GPHN: variants seen among roughly 807,000 people sequenced by gnomAD.
The protein encoded by GPHN is gephyrin.
A neutral mutation model predicts 95.5 loss-of-function variants in GPHN; 17 were observed. That is an observed-to-expected ratio of 0.18 (90% CI 0.12 to 0.27). GPHN has a LOEUF of 0.27. Ranked by LOEUF, GPHN falls within the 10% of genes least tolerant of loss-of-function variation. The probability of loss-of-function intolerance (pLI) is 1.00; values close to 1 mark genes in which losing one functional copy is unlikely to be tolerated. For missense variants in GPHN, 660 were observed against 978.1 expected (o/e 0.67, Z 4.34); for synonymous variants, 320 against 322.5 (o/e 0.99, Z 0.08).
At chr14:66,691,249 A>G (rs1454379194) in intron 2 of GPHN, among the ~76,000 whole-genome samples, 2 of 151,974 alleles carry the variant, frequency 1.3e-5, no homozygotes, top group Non-Finnish European at 2.9e-5. Context: ...CAGTGGCGCA[A>G]TCTCGGCTCA....
At chr14:66,868,731 GC>G (rs1466631060) in intron 4 of GPHN, among the ~76,000 whole-genome samples, 3 of 151,980 alleles carry the variant, frequency 2.0e-5, no homozygotes, top group African/African-American at 7.2e-5. Context: ...TTGTCTGTTA[GC>G]AATATCTTTT....
intron 4 of GPHN, among the ~76,000 whole-genome samples, chr14:66,848,768 G>A (rs920297325): frequency 2.0e-5 from 3 of 151,716 alleles, no homozygotes; most frequent in Admixed American, 1.3e-4. Context: ...AATAATACAT[G>A]CTTTTTGCAA....
rs140636187 is a variant in GPHN, at chr14:67,016,760, T to C, written c.964-6873T>C. 6.3e-3 allele frequency among the ~76,000 whole-genome samples: 961 copies of C among 152,246 alleles called. 30 individuals carry two copies. Among genetic ancestry groups the C allele is most frequent in the Admixed American group, 0.048 (741 of 15,292 alleles). ...CCTTTACTCAGACTTTTTCTGTAGC[T>C]TTAGTCTAGAAGTTGGCAATTCATC... On this transcript the variant is annotated intron_variant, in intron 9 of 22. Coordinates refer to ENST00000478722, the MANE Select transcript of GPHN (RefSeq NM_020806.5).
chr14:66,937,629 C>T (rs958581762), intron 8 of GPHN, among the ~76,000 whole-genome samples: 4 of 151,914 alleles, frequency 2.6e-5, no homozygotes, highest in Admixed American at 6.6e-5. Flanking sequence ...CCGGCTGCTT[C>T]GGCCTCCCAA....
chr14:66,715,298 A>G (rs1358604926), intron 2 of GPHN, among the ~76,000 whole-genome samples: 1 of 151,700 alleles, frequency 6.6e-6, no homozygotes, highest in Non-Finnish European at 1.5e-5. Flanking sequence ...ATGATCTTTT[A>G]TATTTCTGTG....
At chr14:66,789,518 G>A (rs1162064301) in intron 3 of GPHN, among the ~76,000 whole-genome samples, 2 of 152,162 alleles carry the variant, frequency 1.3e-5, no homozygotes, top group African/African-American at 4.8e-5. Context: ...ACTGGCTTTA[G>A]GGTTGATCCC....
the GPHN span, chr14:67,222,019 CATT>C: frequency 1.8e-6 from 1 of 559,626 alleles, no homozygotes; most frequent in Admixed American, 3.6e-5. Context: ...AAGTGGAAAA[CATT>C]ATGGTACTTT....
chr14:67,095,967 A>AAAAAAAAAAAAAAAAAAAAAAAAG (rs1491234047), intron 12 of GPHN, among the ~76,000 whole-genome samples: 1 of 56,390 alleles, frequency 1.8e-5, no homozygotes, highest in Non-Finnish European at 2.6e-5. Flanking sequence ...AGAAAAAGGC[A>AAAAAAAAAAAAAAAAAAAAAAAAG]AAAAAAAAAA....
chr14:66,856,191 TAAAAA>T (rs1469166973), intron 4 of GPHN, among the ~76,000 whole-genome samples: 12 of 152,086 alleles, frequency 7.9e-5, no homozygotes, highest in Non-Finnish European at 1.0e-4. Flanking sequence ...AACTTTGGTT[TAAAAA>T]AATAACTTGC....
intron 1 of GPHN, among the ~76,000 whole-genome samples, chr14:66,606,850 C>T (rs2062559157): frequency 6.6e-6 from 1 of 152,052 alleles, no homozygotes. Flanking sequence ...TTGGCAGCAT[C>T]TTTAATGTTT....
chr14:66,962,330 A>ATTT (rs779918069), intron 8 of GPHN, among the ~76,000 whole-genome samples: 1 of 146,462 alleles, frequency 6.8e-6, no homozygotes, highest in African/African-American at 2.5e-5. Flanking sequence ...CAGCATAGGC[A>ATTT]GTTTTTGTTT....
the GPHN span, chr14:67,573,154 TC>T: frequency 4.6e-6 from 3 of 650,080 alleles, no homozygotes; most frequent in Non-Finnish European, 8.3e-6. The surrounding 1 kb of genome is among the most constrained non-coding windows in gnomAD (Gnocchi z 4.8). Flanking sequence ...GAGTAGGTAC[TC>T]AATAATTTTG....
chr14:67,452,064 G>A, the GPHN span, among the ~76,000 whole-genome samples: 1 of 152,212 alleles, frequency 6.6e-6, no homozygotes, highest in Admixed American at 6.5e-5. Flanking sequence ...GGGCATGGTG[G>A]CTCCTGCCTG....
intron 3 of GPHN, among the ~76,000 whole-genome samples, chr14:66,822,442 T>C (rs2061235034): frequency 6.6e-6 from 1 of 152,192 alleles, no homozygotes; most frequent in African/African-American, 2.4e-5. Flanking sequence ...GACCCAAGTA[T>C]TTTTTAAAGC....
the GPHN span, among the ~76,000 whole-genome samples, chr14:67,480,576 G>T: frequency 6.6e-6 from 1 of 152,134 alleles, no homozygotes; most frequent in Non-Finnish European, 1.5e-5. Context: ...CACTGAGGCG[G>T]TCTGAGGGCC....
At chr14:67,292,971 C>G in the GPHN span, among the ~76,000 whole-genome samples, 3 of 151,958 alleles carry the variant, frequency 2.0e-5, no homozygotes, top group Non-Finnish European at 2.9e-5. Flanking sequence ...TGGATAGTAA[C>G]AAATATTTGA....
the GPHN span, chr14:67,586,539 T>C: frequency 1.5e-6 from 1 of 689,012 alleles, no homozygotes; most frequent in South Asian, 1.4e-5. Flanking sequence ...CTCTTCCTTG[T>C]TGTGGGGAAG....
intron 13 of GPHN, among the ~76,000 whole-genome samples, chr14:67,101,491 A>G (rs2077693928): frequency 6.6e-6 from 1 of 151,616 alleles, no homozygotes; most frequent in African/African-American, 2.4e-5. Flanking sequence ...TATTTAAAAT[A>G]AATATAAATT....
chr14:67,502,746 C>T, the GPHN span, among the ~76,000 whole-genome samples: 4 of 151,928 alleles, frequency 2.6e-5, no homozygotes, highest in East Asian at 1.9e-4. Flanking sequence ...GCCACCGCGC[C>T]GGGCCCCAGA....
Sources: gnomAD v4.1 joint callset for allele counts (sites outside exome capture counted in the v4.1 genomes callset) on GRCh38, gnomAD v4.1.1 for gene constraint, Gnocchi (gnomAD v3.1) non-coding constraint, MANE v1.5 for transcripts, NCBI Gene and HGNC (gene_info 2026-07-23, HGNC 2026-07-21) for gene names.